Variants in URB1 observed in about 807,000 individuals in gnomAD.
URB1 encodes nucleolar pre-ribosomal-associated protein 1.
In URB1, 197 loss-of-function variants were observed where a neutral mutation model predicts 242.3. The ratio of observed to expected loss-of-function variants is 0.81; its 90% CI spans 0.72 to 0.91. The LOEUF is 0.91. Ranked by LOEUF, URB1 falls within the 40% of genes least tolerant of loss-of-function variation. The pLI is 0.00. For synonymous variants in URB1, 1,153 were observed against 1,201.8 expected (o/e 0.96, Z 0.84); for missense variants, 2,721 against 2,860.5 (o/e 0.95, Z 1.11).
At chr21:32,339,905 G>A (rs1285896864) in intron 25 of URB1, among the ~76,000 whole-genome samples, 5 of 152,152 alleles carry the variant, frequency 3.3e-5, no homozygotes, top group Non-Finnish European at 7.4e-5. Context: ...GTGCCTCCCA[G>A]GTCACCTTGC....
chr21:32,347,880 CG>C (rs1320803321), intron 21 of URB1, 69 bp from the exon 22 acceptor site: 10 of 1,462,220 alleles, frequency 6.8e-6, no homozygotes, highest in Non-Finnish European at 8.1e-6. Context: ...GCAGCTGCCA[CG>C]CAAGTATTCA....
intron 30 of URB1, among the ~76,000 whole-genome samples, chr21:32,325,645 C>T (rs140090455): frequency 2.1e-3 from 316 of 152,288 alleles, no homozygotes; most frequent in Non-Finnish European, 3.2e-3. Flanking sequence ...TTCATTATTT[C>T]TCATAAACAC....
chr21:32,380,293 A>C (rs2033508965), intron 4 of URB1, among the ~76,000 whole-genome samples: 1 of 152,182 alleles, frequency 6.6e-6, no homozygotes. Flanking sequence ...TTGCACACTC[A>C]TTACATTTAT....
intron 22 of URB1, 91 bp from the exon 23 acceptor site, chr21:32,345,666 T>C: frequency 7.4e-7 from 1 of 1,344,368 alleles, no homozygotes; most frequent in Non-Finnish European, 1.0e-6. Context: ...TGCTATATTT[T>C]AGGTATCCTG....
chr21:32,351,715 C>T (rs1195867585), intron 19 of URB1, among the ~76,000 whole-genome samples: 1 of 152,194 alleles, frequency 6.6e-6, no homozygotes, highest in Non-Finnish European at 1.5e-5. Context: ...AAGTCTTATT[C>T]CACAGAAGGT....
At chr21:32,350,947 G>A (rs2033150569) in intron 19 of URB1, 25 bp from the exon 20 acceptor site, 3 of 1,534,422 alleles carry the variant, frequency 2.0e-6, no homozygotes, top group Non-Finnish European at 2.6e-6. Flanking sequence ...AAAAGGCCGG[G>A]GAAGAGAAAG....
rs1022202792 is a variant in URB1 at position 32,316,767 on chromosome 21, G to T, written c.6333C>A (p.His2111Gln). 1 of 1,550,284 alleles carries T rather than the reference G, an allele frequency of 6.5e-7. No homozygotes were observed. Among genetic ancestry groups the T allele is most frequent in the Non-Finnish European group, 8.7e-7 (1 of 1,146,308 alleles). Reference sequence around the variant, plus strand: ...CTGCAGCCTCTGCCCTGCTGAGCGGGTGCTCGGCCACCGACCGCAGCACCC... The same window carrying T: ...CTGCAGCCTCTGCCCTGCTGAGCGGTTGCTCGGCCACCGACCGCAGCACCC... ...VSWVLRSVAE[H>Q]PLSRAEAAGL... is the part of the protein sequence containing the mutation. The change falls in exon 38 of 39, where the codon CAC (histidine) becomes CAA (glutamine). Residue 2111 changes from histidine (H) to glutamine (Q), a missense_variant. Transcript: ENST00000382751.
chr21:32,320,381 G>A, intron 35 of URB1, 150 bp downstream of exon 35: 1 of 630,058 alleles, frequency 1.6e-6, no homozygotes, highest in Non-Finnish European at 2.7e-6. Context: ...GGGACTGCCA[G>A]GCATATGGTA....
chr21:32,358,651 AC>A (rs1285413314), intron 14 of URB1, among the ~76,000 whole-genome samples: 4 of 152,098 alleles, frequency 2.6e-5, no homozygotes, highest in Non-Finnish European at 5.9e-5. Context: ...ATAAATTCAC[AC>A]CAGCTCTTTC....
At chr21:32,370,216 C>G (rs1179764740) in intron 8 of URB1, among the ~76,000 whole-genome samples, 2 of 151,936 alleles carry the variant, frequency 1.3e-5, no homozygotes, top group African/African-American at 4.8e-5. Flanking sequence ...TTCTAGGGTC[C>G]CCGGTGTCTC....
At chr21:32,376,840 G>A (rs951068997) in intron 5 of URB1, among the ~76,000 whole-genome samples, 6 of 134,570 alleles carry the variant, frequency 4.5e-5, no homozygotes, top group African/African-American at 7.5e-5. Context: ...TGTTTGTTTT[G>A]GTAGAGACAG....
chr21:32,387,758 G>C (rs567265441), intron 1 of URB1, among the ~76,000 whole-genome samples: 1 of 152,322 alleles, frequency 6.6e-6, no homozygotes, highest in Admixed American at 6.5e-5. Context: ...GCTTTAGGGA[G>C]TGTCTGGGCA....
chr21:32,328,570 T>C (rs1017065824), intron 30 of URB1, among the ~76,000 whole-genome samples: 1 of 152,240 alleles, frequency 6.6e-6, no homozygotes, highest in African/African-American at 2.4e-5. Context: ...AAGAGACACC[T>C]ACATAAGTAC....
chr21:32,347,771 G>A lies in URB1; in HGVS notation c.3053C>T (p.Thr1018Ile), dbSNP rs932189288. 3.9e-6 allele frequency: 6 copies of A among 1,548,094 alleles called. No individual in the cohort carries two copies. The African/African-American group carries it at 4.1e-5, about 11-fold the overall frequency. Residue 1018 changes from threonine to isoleucine, a missense_variant, in exon 22 of 39, where the codon ACC (threonine) becomes ATC (isoleucine). Transcript: ENST00000382751. The stretch of plus-strand genomic sequence containing the variant: ...CAGGGCCAGGAACCAGCCCTCCAGG[G>A]TGGGGTGCCTGAGGATGGCCACAAG... ...EVLVAILRHP[T>I]LEGWFLALEQ...
intron 8 of URB1, 72 bp from the exon 9 acceptor site, chr21:32,368,670 T>G: frequency 7.8e-7 from 1 of 1,283,012 alleles, no homozygotes; most frequent in Middle Eastern, 1.9e-4. Context: ...CATGGTGACG[T>G]GCAGCTCTGC....
Position 32,349,500 on chromosome 21 carries a change from A to T in URB1, c.2833-17T>A. 4 of 1,532,264 alleles carry T rather than the reference A, an allele frequency of 2.6e-6. No individual in the cohort carries two copies. The highest frequency in any genetic ancestry group is 3.5e-6 in the Non-Finnish European group (4 of 1,138,816). 94.9% of individuals were successfully genotyped at this position (1,532,264 alleles called of 1,614,324 possible). A position where few individuals can be genotyped will look rare whatever the true frequency, so the allele number is the denominator to read the frequency against. On this transcript the variant is annotated splice_polypyrimidine_tract_variant and intron_variant, in intron 20 of 38. Transcript: ENST00000382751. ...TCTGCCCAGCTGTGAGGACAAGAGC[A>T]CGAGCCTCAGCAGGGAAGAGACGGG...
intron 15 of URB1, among the ~76,000 whole-genome samples, chr21:32,356,257 G>T (rs2033219111): frequency 6.6e-6 from 1 of 152,118 alleles, no homozygotes; most frequent in Non-Finnish European, 1.5e-5. Flanking sequence ...GTTAGTGGTG[G>T]TGCGCACACA....
chr21:32,385,687 GAA>G lies in URB1; in HGVS notation c.143-5_143-4del, dbSNP rs972321362. ...AGCAGACACAAACGCTTCCAAGCCT[GAA>G]AAAAAAGTTATGTTCAAACATTAAC... is the stretch of plus-strand genomic sequence containing the variant. On this transcript the variant is annotated splice_polypyrimidine_tract_variant and splice_region_variant and intron_variant, in intron 1 of 38. Transcript: ENST00000382751. 1.9e-6 allele frequency: 3 copies of G among 1,543,798 alleles called. No individual in the cohort carries two copies. In the African/African-American group the frequency reaches 4.2e-5, roughly 21 times the overall value.
chr21:32,360,996 T>C lies in URB1; in HGVS notation c.1756+11A>G. 1 of 1,539,326 alleles carries C rather than the reference T, an allele frequency of 6.5e-7. No homozygotes were observed. The highest frequency in any genetic ancestry group is 8.8e-7 in the Non-Finnish European group (1 of 1,140,936). The stretch of plus-strand genomic sequence containing the variant: ...ACAGTGGCGGCTTGTCTGCAAGACC[T>C]TGAAACCCACCTTTCAGGAGCTTGC... On this transcript the variant is annotated intron_variant, in intron 13 of 38. Coordinates refer to ENST00000382751, the MANE Select transcript of URB1 (RefSeq NM_014825.3).
Sources: gnomAD v4.1 joint callset for allele counts (sites outside exome capture counted in the v4.1 genomes callset) on GRCh38, gnomAD v4.1.1 for gene constraint, MANE v1.5 for transcripts, NCBI Gene and HGNC (gene_info 2026-07-23, HGNC 2026-07-21) for gene names.